AMD1: variants seen among roughly 807,000 people sequenced by gnomAD.
AMD1 encodes the protein S-adenosylmethionine decarboxylase proenzyme.
In AMD1, 11 loss-of-function variants were observed where a neutral mutation model predicts 40.2. That is an observed-to-expected ratio of 0.27 (90% confidence interval 0.17 to 0.45). The LOEUF is 0.45. AMD1 is among the 20% of genes least tolerant of loss of function. The pLI is 1.00. For missense variants in AMD1, 257 were observed against 410.2 expected (o/e 0.63, Z 3.23); for synonymous variants, 121 against 130.8 (o/e 0.93, Z 0.51).
chr6:110,831,872 C>T, the AMD1 span, among the ~76,000 whole-genome samples: 8 of 152,090 alleles, frequency 5.3e-5, no homozygotes, highest in East Asian at 1.4e-3. Context: ...TAGACAGGGT[C>T]ACAGTTTGTC....
chr6:110,839,103 T>C, the AMD1 span, among the ~76,000 whole-genome samples: 1,686 of 152,264 alleles, frequency 0.011, 28 homozygotes, highest in African/African-American at 0.039. Flanking sequence ...TTTTTGTATA[T>C]CTCTAGTATT....
the AMD1 span, chr6:110,858,599 C>T: frequency 6.3e-7 from 1 of 1,578,606 alleles, no homozygotes; most frequent in South Asian, 1.1e-5. Flanking sequence ...GACGCAGCTG[C>T]AGGTGTCTCT....
At chr6:110,855,827 T>A in the AMD1 span, among the ~76,000 whole-genome samples, 1 of 152,106 alleles carries the variant, frequency 6.6e-6, no homozygotes, top group Non-Finnish European at 1.5e-5. Context: ...ATGCCTGTAA[T>A]CCCAACACTT....
the AMD1 span, among the ~76,000 whole-genome samples, chr6:110,864,836 G>T: frequency 6.6e-6 from 1 of 152,170 alleles, no homozygotes; most frequent in African/African-American, 2.4e-5. Context: ...ATGCCAAAAT[G>T]CGTTTATAAA....
the AMD1 span, chr6:110,815,246 C>A: frequency 1.7e-6 from 2 of 1,188,294 alleles, no homozygotes; most frequent in Non-Finnish European, 2.1e-6. Flanking sequence ...GCCTCTCGCG[C>A]GCGCGCGCGC....
chr6:110,844,138 T>A, the AMD1 span, among the ~76,000 whole-genome samples: 15 of 151,932 alleles, frequency 9.9e-5, no homozygotes, highest in Non-Finnish European at 2.1e-4. Flanking sequence ...ACGCCTGTAA[T>A]CCCAGCACTT....
chr6:110,826,707 T>G, the AMD1 span, among the ~76,000 whole-genome samples: 8 of 119,096 alleles, frequency 6.7e-5, no homozygotes, highest in Non-Finnish European at 1.4e-4. Flanking sequence ...TTTTTTTTTG[T>G]GAGACGGAGT....
chr6:110,821,965 A>G, the AMD1 span, among the ~76,000 whole-genome samples: 1 of 152,252 alleles, frequency 6.6e-6, no homozygotes. Flanking sequence ...GAAATAACAA[A>G]GATCAGAGCA....
intron 1 of AMD1, 127 bp downstream of exon 1, chr6:110,875,342 C>T (rs1583208302): frequency 1.3e-6 from 1 of 776,258 alleles, no homozygotes; most frequent in East Asian, 2.7e-5. Flanking sequence ...CCTGGGGTCG[C>T]TTCGGCGGCC....
the AMD1 span, among the ~76,000 whole-genome samples, chr6:110,823,931 T>C: frequency 3.9e-5 from 6 of 151,942 alleles, no homozygotes; most frequent in African/African-American, 1.5e-4. Flanking sequence ...ACAATGAAAA[T>C]AATGTGGTGA....
At chr6:110,886,417 A>C (rs113918103) in intron 1 of AMD1, among the ~76,000 whole-genome samples, 5,513 of 152,076 alleles carry the variant, frequency 0.036, 127 homozygotes, top group Middle Eastern at 0.071. Flanking sequence ...CTCCTGCCTC[A>C]GCCTCAGCCT....
upstream of AMD1, among the ~76,000 whole-genome samples, chr6:110,873,875 A>G (rs1784966700): frequency 6.6e-6 from 1 of 152,250 alleles, no homozygotes; most frequent in Admixed American, 6.5e-5. Context: ...GGGTAAGGAG[A>G]ACCTCCATCA....
At chr6:110,832,304 C>T in the AMD1 span, among the ~76,000 whole-genome samples, 1 of 151,856 alleles carries the variant, frequency 6.6e-6, no homozygotes, top group South Asian at 2.1e-4. Context: ...CGTGCCCAGC[C>T]CATGCCTGGC....
At chr6:110,857,611 A>G in the AMD1 span, among the ~76,000 whole-genome samples, 1 of 145,238 alleles carries the variant, frequency 6.9e-6, no homozygotes, top group Admixed American at 7.0e-5. Context: ...TATATATGGT[A>G]TATATATAGG....
chr6:110,885,424 GTTT>G (rs1785627309), intron 1 of AMD1, among the ~76,000 whole-genome samples: 2 of 150,154 alleles, frequency 1.3e-5, no homozygotes, highest in Admixed American at 6.7e-5. Context: ...AGTTTTTGTT[GTTT>G]TTGTTTTGTT....
At chr6:110,883,228 C>T (rs923208976) in intron 1 of AMD1, among the ~76,000 whole-genome samples, 1 of 152,202 alleles carries the variant, frequency 6.6e-6, no homozygotes, top group Admixed American at 6.5e-5. Context: ...TGTTGAGCAG[C>T]TATCCAAGGA....
the AMD1 span, among the ~76,000 whole-genome samples, chr6:110,827,804 A>C: frequency 6.6e-6 from 1 of 151,970 alleles, no homozygotes. Flanking sequence ...TGTTGCTAAA[A>C]CACACCCTCT....
At chr6:110,878,421 C>G (rs1313031936) in intron 1 of AMD1, among the ~76,000 whole-genome samples, 1 of 152,084 alleles carries the variant, frequency 6.6e-6, no homozygotes, top group Admixed American at 6.5e-5. Context: ...GATATTTTAT[C>G]TTAAGTGAAC....
At chr6:110,878,244 A>G (rs1785213959) in intron 1 of AMD1, among the ~76,000 whole-genome samples, 1 of 152,100 alleles carries the variant, frequency 6.6e-6, no homozygotes, top group African/African-American at 2.4e-5. Flanking sequence ...CACGATATTT[A>G]CCTTTCATAT....
Sources: allele counts gnomAD v4.1 joint callset (sites outside exome capture counted in the v4.1 genomes callset), GRCh38; gene constraint gnomAD v4.1.1; transcripts MANE v1.5; gene names NCBI Gene and HGNC (gene_info 2026-07-23, HGNC 2026-07-21).